GALNT15: variants seen among roughly 807,000 people sequenced by gnomAD.
GALNT15 encodes the protein UDP-GalNAc transferase T15.
Under a neutral mutation model 66.8 loss-of-function variants are expected in GALNT15, and 67 were observed. That is an observed-to-expected ratio of 1.00 (90% CI 0.82 to 1.23). The LOEUF (loss-of-function observed/expected upper bound fraction) is 1.23, where lower values mean the gene tolerates loss of function less well. GALNT15 is among the 50% of genes most tolerant of loss of function. The pLI is 0.00. For missense variants in GALNT15, 827 were observed against 804.3 expected, an observed-to-expected ratio of 1.03 and a Z score of -0.34; for synonymous variants, 313 against 311.5, an observed-to-expected ratio of 1.00 and a Z score of -0.05.
chr3:16,232,051 A>G (rs9848911), downstream of GALNT15: 427,462 of 1,175,766 alleles, frequency 0.36, 82,360 homozygotes, highest in African/African-American at 0.68. Context: ...CTGTTCAGAG[A>G]GGGTGAAAGG....
Position 16,193,145 on chromosome 3 carries a change from T to C in GALNT15, c.540-2615T>C, listed in dbSNP as rs1331232465. Among the ~76,000 whole-genome samples the C allele has an allele frequency of 1.3e-5, 2 of 152,226 alleles. No individual in the cohort carries two copies. The highest frequency in any genetic ancestry group is 4.8e-5 in the African/African-American group (2 of 41,480). ...AGTGGGAATTGAAAGAAAAAATTAC[T>C]AGAAAGAGTGTTGCTTTCCCCAAAA... is the stretch of plus-strand genomic sequence containing the variant. On this transcript the variant is annotated intron_variant, in intron 1 of 9. Coordinates refer to ENST00000339732, the MANE Select transcript of GALNT15 (RefSeq NM_054110.5). This position sits in a 1 kb window ranked among gnomAD's most constrained non-coding sequence, Gnocchi z 4.7.
Position 16,191,205 on chromosome 3 carries a change from C to A in GALNT15, c.540-4555C>A, listed in dbSNP as rs2063574103. On this transcript the variant is annotated intron_variant, in intron 1 of 9. Transcript: ENST00000339732. The surrounding 1 kb of genome is among the most constrained non-coding windows in gnomAD (Gnocchi z 5.2). ...TGGAGCAAGGGGAGTCTATGAAATT[C>A]TCTTTGAAATGCTTGCTGTCCTTAT... is the stretch of plus-strand genomic sequence containing the variant. Among the ~76,000 whole-genome samples the A allele has an allele frequency of 6.6e-6, 1 of 152,184 alleles. No individual in the cohort carries two copies. The highest frequency in any genetic ancestry group is 1.5e-5 in the Non-Finnish European group (1 of 68,040).
the GALNT15 span, chr3:16,244,159 G>A: frequency 1.7e-4 from 48 of 277,934 alleles, 1 homozygote; most frequent in African/African-American, 1.0e-3. Flanking sequence ...TGGCAGAGAC[G>A]TTTGAGTGGC....
Position 16,209,318 on chromosome 3 carries a change from A to T in GALNT15, c.1079+648A>T, listed in dbSNP as rs2063788182. The stretch of plus-strand genomic sequence containing the variant: ...ACAGTGGGGTTGGTTGTCTGCCCCC[A>T]TGGTTTCTGGGGTACATAAGGATTT... On this transcript the variant is annotated intron_variant, in intron 4 of 9. Coordinates refer to ENST00000339732, the MANE Select transcript of GALNT15 (RefSeq NM_054110.5). This position sits in a 1 kb window ranked among gnomAD's most constrained non-coding sequence, Gnocchi z 4.1. Among the ~76,000 whole-genome samples the T allele has an allele frequency of 6.6e-6, 1 of 152,186 alleles. No individual in the cohort carries two copies. Among genetic ancestry groups the T allele is most frequent in the Non-Finnish European group, 1.5e-5 (1 of 68,032 alleles).
At chr3:16,179,070 A>G (rs934066731) in intron 1 of GALNT15, among the ~76,000 whole-genome samples, 2 of 152,178 alleles carry the variant, frequency 1.3e-5, no homozygotes, top group Admixed American at 1.3e-4. Context: ...GAGGAAAATT[A>G]CCAATGATGC....
chr3:16,228,459 T>G lies in GALNT15; in HGVS notation c.*959T>G. 1.6e-6 allele frequency: 1 copy of G among 616,346 alleles called. No individual in the cohort carries two copies. The highest frequency in any genetic ancestry group is 2.0e-6 in the Non-Finnish European group (1 of 492,938). The allele number at this position is 616,346 out of a possible 1,614,324, so 38.2% of individuals were successfully genotyped here. A position where few individuals can be genotyped will look rare whatever the true frequency, so the allele number is the denominator to read the frequency against. On this transcript the variant is annotated 3_prime_UTR_variant, in exon 10 of 10. Coordinates refer to ENST00000339732, the MANE Select transcript of GALNT15 (RefSeq NM_054110.5). ...GGTTTGAGACCAGCCTGGTCAACAT[T>G]GCAAAACCTTGTCTCTACTAAAAAT... is the stretch of plus-strand genomic sequence containing the variant.
chr3:16,182,437 G>A lies in GALNT15; in HGVS notation c.539+6747G>A, dbSNP rs924367986. On this transcript the variant is annotated intron_variant, in intron 1 of 9. Coordinates refer to ENST00000339732, the MANE Select transcript of GALNT15 (RefSeq NM_054110.5). This position sits in a 1 kb window ranked among gnomAD's most constrained non-coding sequence, Gnocchi z 6.1. ...GACCACTGCTTAGGCCACTTTAGGT[G>A]ACTAAGAACAGAGATGCTCAAGTCA... Among the ~76,000 whole-genome samples the A allele has an allele frequency of 2.0e-5, 3 of 152,222 alleles. No individual in the cohort carries two copies. The highest frequency in any genetic ancestry group is 4.4e-5 in the Non-Finnish European group (3 of 68,040).
intron 3 of GALNT15, among the ~76,000 whole-genome samples, chr3:16,202,144 AC>A (rs1369025617): frequency 2.0e-5 from 3 of 152,240 alleles, no homozygotes; most frequent in African/African-American, 7.2e-5. Context: ...ATGGTTTCAA[AC>A]GTTCAAATGA....
rs1360226175 is a variant in GALNT15, at chr3:16,211,310, G to A, written c.1197+69G>A. On this transcript the variant is annotated intron_variant, in intron 5 of 9. Coordinates refer to ENST00000339732, the MANE Select transcript of GALNT15 (RefSeq NM_054110.5). The surrounding 1 kb of genome is among the most constrained non-coding windows in gnomAD (Gnocchi z 4.3). The stretch of plus-strand genomic sequence containing the variant: ...TGGTGTGTATGGTCACAGCTCAGAG[G>A]CAGGCATTAGAAATGTCACTGGGAA... 54 of 970,022 alleles carry A rather than the reference G, an allele frequency of 5.6e-5. No homozygotes were observed. The highest frequency in any genetic ancestry group is 3.9e-4 in the South Asian group (29 of 74,988). 60.1% of individuals were successfully genotyped at this position (970,022 alleles called of 1,614,324 possible).
At chr3:16,220,818 GC>G (rs2063934763) in intron 8 of GALNT15, among the ~76,000 whole-genome samples, 1 of 152,228 alleles carries the variant, frequency 6.6e-6, no homozygotes, top group African/African-American at 2.4e-5. Context: ...GCTGGGCTTG[GC>G]AGTGCAGGCC....
the GALNT15 span, among the ~76,000 whole-genome samples, chr3:16,239,454 A>G: frequency 1.3e-5 from 2 of 152,156 alleles, no homozygotes; most frequent in African/African-American, 4.8e-5. This position sits in a 1 kb window ranked among gnomAD's most constrained non-coding sequence, Gnocchi z 5.2. Context: ...ACAGAGACCT[A>G]TAAAATCCTG....
At chr3:16,232,915 A>G (rs1278154573), downstream of GALNT15, among the ~76,000 whole-genome samples, 1 of 151,704 alleles carries the variant, frequency 6.6e-6, no homozygotes, top group African/African-American at 2.4e-5. Context: ...GCTGCTGGCC[A>G]GAGACCACTG....
Position 16,183,974 on chromosome 3 carries a change from T to C in GALNT15, c.539+8284T>C, listed in dbSNP as rs991176244. The stretch of plus-strand genomic sequence containing the variant: ...CTCCTCTGATCTTGGAGTGTGAAGA[T>C]ATAAAGCTAGCCTGCAGAACAGCTC... On this transcript the variant is annotated intron_variant, in intron 1 of 9. Transcript: ENST00000339732. This position sits in a 1 kb window ranked among gnomAD's most constrained non-coding sequence, Gnocchi z 5.2. Among the ~76,000 whole-genome samples, 2 of 152,198 alleles carry C rather than the reference T, an allele frequency of 1.3e-5. No homozygotes were observed. Among genetic ancestry groups the C allele is most frequent in the African/African-American group, 4.8e-5 (2 of 41,428 alleles).
intron 3 of GALNT15, among the ~76,000 whole-genome samples, chr3:16,206,691 A>AG (rs2063761535): frequency 6.6e-6 from 1 of 151,504 alleles, no homozygotes; most frequent in South Asian, 2.1e-4. Context: ...AAAAAAAAAA[A>AG]AAAAGAAAGA....
intron 6 of GALNT15, among the ~76,000 whole-genome samples, chr3:16,216,050 G>A (rs1281196830): frequency 6.6e-6 from 1 of 152,130 alleles, no homozygotes; most frequent in Admixed American, 6.5e-5. Flanking sequence ...TGAATCCCAT[G>A]CACATAGTAC....
At position 16,187,221 on chromosome 3, in the gene GALNT15, G is replaced by A. The variant is rs1041048712; in HGVS notation, c.540-8539G>A. On this transcript the variant is annotated intron_variant, in intron 1 of 9. Transcript: ENST00000339732. The surrounding 1 kb of genome is among the most constrained non-coding windows in gnomAD (Gnocchi z 5.1). ...GGAGGTTGCAGTGAGCTAAGATAAT[G>A]CCACTGCACTCCAGCCTGGGTGACA... Among the ~76,000 whole-genome samples the A allele has an allele frequency of 6.6e-6, 1 of 152,030 alleles. No homozygotes were observed. The highest frequency in any genetic ancestry group is 1.5e-5 in the Non-Finnish European group (1 of 68,008).
chr3:16,232,008 G>A, downstream of GALNT15: 1 of 1,435,454 alleles, frequency 7.0e-7, no homozygotes, highest in Non-Finnish European at 9.2e-7. Flanking sequence ...TATCTTTAAA[G>A]TCATAACTTG....
intron 6 of GALNT15, among the ~76,000 whole-genome samples, chr3:16,215,323 T>C (rs900677483): frequency 2.0e-5 from 3 of 152,232 alleles, no homozygotes; most frequent in Non-Finnish European, 4.4e-5. Context: ...CAGATGGTGA[T>C]TGCAGGATTT....
At chr3:16,202,520 C>A (rs1049606836) in intron 3 of GALNT15, among the ~76,000 whole-genome samples, 2 of 152,242 alleles carry the variant, frequency 1.3e-5, no homozygotes, top group African/African-American at 4.8e-5. Flanking sequence ...GTAATCCCAG[C>A]TACTCGGGAG....
Sources: gnomAD v4.1 joint callset for allele counts (sites outside exome capture counted in the v4.1 genomes callset) on GRCh38, gnomAD v4.1.1 for gene constraint, Gnocchi (gnomAD v3.1) non-coding constraint, MANE v1.5 for transcripts, NCBI Gene and HGNC (gene_info 2026-07-23, HGNC 2026-07-21) for gene names.